The following MDFIC2 variants were observed in gnomAD, a reference collection of about 807,000 sequenced individuals.
MDFIC2 encodes the protein MyoD family inhibitor domain containing 2.
chr3:70,251,913 A>G (rs1701772881), intron 2 of MDFIC2, among the ~76,000 whole-genome samples: 1 of 152,178 alleles, frequency 6.6e-6, no homozygotes, highest in Non-Finnish European at 1.5e-5. Flanking sequence ...GTCTTGTTAC[A>G]CTGTAATTAT....
At chr3:70,299,337 CACAA>C (rs1702323065) in intron 2 of MDFIC2, among the ~76,000 whole-genome samples, 5 of 145,146 alleles carry the variant, frequency 3.4e-5, no homozygotes, top group African/African-American at 5.1e-5. Context: ...TGTATACACA[CACAA>C]ATATAAAGCA....
At chr3:70,262,200 T>G (rs1199046077) in intron 2 of MDFIC2, among the ~76,000 whole-genome samples, 1 of 152,094 alleles carries the variant, frequency 6.6e-6, no homozygotes, top group Non-Finnish European at 1.5e-5. Flanking sequence ...AGAACAAAAA[T>G]CATATGATGA....
intron 2 of MDFIC2, among the ~76,000 whole-genome samples, chr3:70,294,251 A>G (rs1165132807): frequency 6.6e-6 from 1 of 152,134 alleles, no homozygotes; most frequent in Non-Finnish European, 1.5e-5. Context: ...GATTTTTTGA[A>G]TAGTGTTCTT....
chr3:70,304,603 T>C (rs777988937), intron 2 of MDFIC2, among the ~76,000 whole-genome samples: 1 of 152,230 alleles, frequency 6.6e-6, no homozygotes, highest in Non-Finnish European at 1.5e-5. Flanking sequence ...AAGCCAGTCC[T>C]GTTGGTTCTA....
chr3:70,250,567 G>A (rs139868628), intron 2 of MDFIC2, among the ~76,000 whole-genome samples: 124 of 152,076 alleles, frequency 8.2e-4, no homozygotes, highest in Non-Finnish European at 1.3e-3. Flanking sequence ...TAAACTATTC[G>A]GGTGGAAAAA....
intron 2 of MDFIC2, among the ~76,000 whole-genome samples, chr3:70,233,523 T>C (rs934947540): frequency 6.6e-6 from 1 of 152,208 alleles, no homozygotes; most frequent in Admixed American, 6.5e-5. Flanking sequence ...TGACAAGGCT[T>C]TAAAGCATAA....
At chr3:70,207,631 A>G (rs1701305098) in intron 2 of MDFIC2, among the ~76,000 whole-genome samples, 1 of 152,008 alleles carries the variant, frequency 6.6e-6, no homozygotes, top group Non-Finnish European at 1.5e-5. Context: ...ATTCAGAAAA[A>G]GCTCCCCAAA....
At position 70,225,233 on chromosome 3, in the gene MDFIC2, T is replaced by G. The variant is rs115864266; in HGVS notation, c.89-18443A>C. 6.9e-3 allele frequency among the ~76,000 whole-genome samples: 1,047 copies of G among 152,264 alleles called. 6 individuals are homozygous for G. Among genetic ancestry groups the G allele is most frequent in the Non-Finnish European group, 0.012 (814 of 68,016 alleles). On this transcript the variant is annotated intron_variant, in intron 2 of 3. Coordinates refer to ENST00000567252, the MANE Select transcript of MDFIC2 (RefSeq NM_001364677.1). ...TAATAAGAGAAATGTATAATACTGA[T>G]ATGTCAATATGTTTTTCAATAAACT...
intron 2 of MDFIC2, among the ~76,000 whole-genome samples, chr3:70,225,037 T>C (rs535178419): frequency 9.2e-5 from 14 of 152,172 alleles, no homozygotes; most frequent in Non-Finnish European, 1.9e-4. Context: ...TTAAAACTGT[T>C]TGGAAAATAT....
chr3:70,298,983 A>G (rs927225675), intron 2 of MDFIC2, among the ~76,000 whole-genome samples: 5 of 152,162 alleles, frequency 3.3e-5, no homozygotes, highest in Non-Finnish European at 7.4e-5. Flanking sequence ...TTGATGTGCA[A>G]TAGATTGTAA....
intron 2 of MDFIC2, among the ~76,000 whole-genome samples, chr3:70,229,210 A>G (rs527891447): frequency 1.1e-4 from 17 of 152,330 alleles, no homozygotes; most frequent in African/African-American, 3.4e-4. Context: ...AAAAGGTGTC[A>G]GAGGAGGAAT....
In MDFIC2 at chr3:70,311,856, C is replaced by A. The variant is rs374844359; in HGVS notation, c.88+30G>T. ...ATAAACAAAAGCAAAATTTTCACACCAATAGAAAATCAAGAGCAAGAAGAC... is the reference window on the plus strand; with the variant it reads ...ATAAACAAAAGCAAAATTTTCACACAAATAGAAAATCAAGAGCAAGAAGAC... On this transcript the variant is annotated intron_variant, in intron 2 of 3. Transcript: ENST00000567252. 1.0e-5 allele frequency: 4 copies of A among 397,282 alleles called. No individual in the cohort carries two copies. In the East Asian group the frequency reaches 1.4e-4, roughly 14 times the overall value. 24.6% of individuals were successfully genotyped at this position (397,282 alleles called of 1,614,324 possible).
At position 70,293,308 on chromosome 3, in the gene MDFIC2, T is replaced by TA. The variant is rs1276117654; in HGVS notation, c.88+18577dup. 4.6e-5 allele frequency among the ~76,000 whole-genome samples: 7 copies of TA among 152,200 alleles called. No homozygotes were observed. In the East Asian group the frequency reaches 1.4e-3, roughly 29 times the overall value. Reference sequence around the variant, plus strand: ...AATTACATACAATTATCAAAATATGTAAAAAACTGTGATATAGTTGTATAT... The same window carrying TA: ...AATTACATACAATTATCAAAATATGTAAAAAAACTGTGATATAGTTGTATAT... On this transcript the variant is annotated intron_variant, in intron 2 of 3. Transcript: ENST00000567252.
At chr3:70,200,428 C>T (rs1402233561) in intron 3 of MDFIC2, among the ~76,000 whole-genome samples, 1 of 152,198 alleles carries the variant, frequency 6.6e-6, no homozygotes, top group Non-Finnish European at 1.5e-5. Context: ...GCCACACTGA[C>T]TAAATTGCAG....
At chr3:70,213,898 A>G (rs115266405) in intron 2 of MDFIC2, among the ~76,000 whole-genome samples, 3 of 152,072 alleles carry the variant, frequency 2.0e-5, no homozygotes, top group African/African-American at 4.8e-5. Flanking sequence ...ATGGCTGAAG[A>G]CAGAACAAAA....
intron 2 of MDFIC2, among the ~76,000 whole-genome samples, chr3:70,209,781 A>C (rs1446830594): frequency 6.6e-6 from 1 of 152,092 alleles, no homozygotes; most frequent in African/African-American, 2.4e-5. Flanking sequence ...AAATACTGTG[A>C]TGTGTCACCT....
chr3:70,231,290 G>C (rs1559540673), intron 2 of MDFIC2, among the ~76,000 whole-genome samples: 7 of 152,172 alleles, frequency 4.6e-5, no homozygotes, highest in Admixed American at 3.9e-4. Flanking sequence ...TTAAGACGAC[G>C]CTCCTGCCCC....
intron 3 of MDFIC2, among the ~76,000 whole-genome samples, chr3:70,200,480 G>GT (rs1375478600): frequency 6.6e-6 from 1 of 152,140 alleles, no homozygotes; most frequent in Non-Finnish European, 1.5e-5. Flanking sequence ...CACATGCTGT[G>GT]TTTTTGCCTG....
chr3:70,277,259 G>A (rs1400897838), intron 2 of MDFIC2, among the ~76,000 whole-genome samples: 1 of 152,156 alleles, frequency 6.6e-6, no homozygotes, highest in Admixed American at 6.5e-5. Flanking sequence ...TGTTGAAAGT[G>A]TTAGTATATC....
Sources: allele counts gnomAD v4.1 joint callset (sites outside exome capture counted in the v4.1 genomes callset), GRCh38; gene constraint gnomAD v4.1.1; transcripts MANE v1.5; gene names NCBI Gene and HGNC (gene_info 2026-07-23, HGNC 2026-07-21).